Variants in DSCAM observed in about 807,000 individuals in gnomAD.
DSCAM encodes DS cell adhesion molecule.
DSCAM carries 47 observed loss-of-function variants against 217.7 expected under a neutral mutation model. The observed-to-expected ratio is 0.22, with a 90% CI of 0.17 to 0.28. The LOEUF (loss-of-function observed/expected upper bound fraction) is 0.28, where lower values mean the gene tolerates loss of function less well. Ranked by LOEUF, DSCAM falls within the 10% of genes least tolerant of loss-of-function variation. The probability of loss-of-function intolerance (pLI) is 1.00; values close to 1 mark genes in which losing one functional copy is unlikely to be tolerated. For synonymous variants in DSCAM, 1,056 were observed against 1,015.3 expected, an observed-to-expected ratio of 1.04 and a Z score of -0.76; for missense variants, 2,080 against 2,618.3, an observed-to-expected ratio of 0.79 and a Z score of 4.49.
chr21:40,768,604 T>C (rs572960953), intron 1 of DSCAM, among the ~76,000 whole-genome samples: 1 of 152,306 alleles, frequency 6.6e-6, no homozygotes, highest in East Asian at 1.9e-4. Flanking sequence ...TTAAACACAA[T>C]TCCCATTTCC....
chr21:40,391,270 T>G (rs1171570732), intron 3 of DSCAM, among the ~76,000 whole-genome samples: 3 of 152,198 alleles, frequency 2.0e-5, no homozygotes, highest in African/African-American at 2.4e-5. Flanking sequence ...TGGCTTTAAA[T>G]AAGAAGCCAA....
intron 32 of DSCAM, among the ~76,000 whole-genome samples, chr21:40,021,198 TCC>T (rs1193759970): frequency 1.0e-5 from 1 of 97,146 alleles, no homozygotes; most frequent in Non-Finnish European, 1.9e-5. Flanking sequence ...AGAGCGAGAC[TCC>T]GTCTCAAAAA....
chr21:40,714,056 G>C (rs559842060), intron 1 of DSCAM, among the ~76,000 whole-genome samples: 59 of 152,312 alleles, frequency 3.9e-4, no homozygotes, highest in African/African-American at 1.4e-3. Flanking sequence ...TAATTCTGCA[G>C]GTGCACAGAA....
chr21:40,797,543 A>C (rs1268259427), intron 1 of DSCAM, among the ~76,000 whole-genome samples: 1 of 152,218 alleles, frequency 6.6e-6, no homozygotes, highest in African/African-American at 2.4e-5. Flanking sequence ...ACATTTCCAA[A>C]ATGTCTGTTA....
At chr21:40,407,450 T>C (rs1265216410) in intron 3 of DSCAM, among the ~76,000 whole-genome samples, 1 of 152,218 alleles carries the variant, frequency 6.6e-6, no homozygotes, top group African/African-American at 2.4e-5. Flanking sequence ...TGACTTGCTT[T>C]GACCAATAGA....
At chr21:40,145,263 CAAAAG>C (rs924608260) in intron 16 of DSCAM, among the ~76,000 whole-genome samples, 1 of 152,096 alleles carries the variant, frequency 6.6e-6, no homozygotes, top group African/African-American at 2.4e-5. Context: ...TGTAAGAAGA[CAAAAG>C]AAAAGACCCC....
chr21:40,713,629 A>G (rs2090807413), intron 1 of DSCAM, among the ~76,000 whole-genome samples: 1 of 152,212 alleles, frequency 6.6e-6, no homozygotes, highest in Non-Finnish European at 1.5e-5. Context: ...TATAGCCTAG[A>G]AAGAAAACTT....
intron 11 of DSCAM, among the ~76,000 whole-genome samples, chr21:40,205,401 G>A (rs1354980837): frequency 1.3e-5 from 2 of 152,072 alleles, no homozygotes; most frequent in East Asian, 3.9e-4. Flanking sequence ...TCAGGAGTTC[G>A]AGACCAGACC....
At chr21:40,033,604 G>C (rs1284692197) in intron 32 of DSCAM, among the ~76,000 whole-genome samples, 4 of 151,508 alleles carry the variant, frequency 2.6e-5, no homozygotes, top group Non-Finnish European at 5.9e-5. Flanking sequence ...GGGGAGGGGG[G>C]CCCCCCATTG....
chr21:40,404,894 G>A (rs1312121343), intron 3 of DSCAM, among the ~76,000 whole-genome samples: 1 of 152,158 alleles, frequency 6.6e-6, no homozygotes, highest in Non-Finnish European at 1.5e-5. Flanking sequence ...GAGGTCAGCA[G>A]GCACACCCAG....
chr21:40,185,547 G>A (rs1212496839), intron 14 of DSCAM, among the ~76,000 whole-genome samples: 1 of 152,176 alleles, frequency 6.6e-6, no homozygotes, highest in African/African-American at 2.4e-5. Context: ...CAACAGCATG[G>A]GCAGCCTGCA....
chr21:40,776,381 T>C (rs1285017632), intron 1 of DSCAM, among the ~76,000 whole-genome samples: 1 of 152,202 alleles, frequency 6.6e-6, no homozygotes, highest in Middle Eastern at 3.2e-3. Context: ...TGCCCACTTC[T>C]ATTTGCGGAT....
intron 3 of DSCAM, among the ~76,000 whole-genome samples, chr21:40,642,010 T>C (rs1340568735): frequency 6.7e-6 from 1 of 148,180 alleles, no homozygotes; most frequent in Non-Finnish European, 1.5e-5. Flanking sequence ...ATTGCGCCAT[T>C]GCACTCTGCC....
intron 2 of DSCAM, among the ~76,000 whole-genome samples, chr21:40,694,353 T>G (rs1198686119): frequency 6.6e-6 from 1 of 152,164 alleles, no homozygotes; most frequent in African/African-American, 2.4e-5. Flanking sequence ...TGGACAAATA[T>G]GTGCCATGAA....
At chr21:40,047,259 A>G (rs2088856773) in intron 30 of DSCAM, among the ~76,000 whole-genome samples, 1 of 152,180 alleles carries the variant, frequency 6.6e-6, no homozygotes, top group Non-Finnish European at 1.5e-5. Context: ...GATAATGACT[A>G]AGATAGCAGC....
At chr21:40,695,071 C>A (rs902983079) in intron 2 of DSCAM, among the ~76,000 whole-genome samples, 1 of 152,128 alleles carries the variant, frequency 6.6e-6, no homozygotes, top group Admixed American at 6.5e-5. Flanking sequence ...ATGCTTGTTT[C>A]TTTGCAATAA....
chr21:40,323,278 G>A (rs545644576), intron 8 of DSCAM, among the ~76,000 whole-genome samples: 3 of 152,088 alleles, frequency 2.0e-5, no homozygotes, highest in Non-Finnish European at 4.4e-5. Context: ...TCAGCTTCCC[G>A]AAAAACCCAA....
intron 2 of DSCAM, among the ~76,000 whole-genome samples, chr21:40,694,069 G>A (rs1394937485): frequency 6.6e-6 from 1 of 152,162 alleles, no homozygotes; most frequent in East Asian, 1.9e-4. Context: ...AAGCAGGTTG[G>A]GTAAGGCCAC....
chr21:40,219,741 G>A (rs2091274499), intron 11 of DSCAM, among the ~76,000 whole-genome samples: 1 of 151,990 alleles, frequency 6.6e-6, no homozygotes, highest in Non-Finnish European at 1.5e-5. Flanking sequence ...CATTTATTTT[G>A]TTTCTCTATA....
Sources: gnomAD v4.1 joint callset for allele counts (sites outside exome capture counted in the v4.1 genomes callset) on GRCh38, gnomAD v4.1.1 for gene constraint, MANE v1.5 for transcripts, NCBI Gene and HGNC (gene_info 2026-07-23, HGNC 2026-07-21) for gene names.